ASB9: variants seen among roughly 807,000 people sequenced by gnomAD.
The protein encoded by ASB9 is ankyrin repeat and SOCS box containing 9.
In ASB9, 5 loss-of-function variants were observed where a neutral mutation model predicts 16.6. The ratio of observed to expected loss-of-function variants is 0.30; its 90% CI spans 0.16 to 0.63. The LOEUF (loss-of-function observed/expected upper bound fraction) is 0.63, where lower values mean the gene tolerates loss of function less well. ASB9 is among the 30% of genes least tolerant of loss of function. ASB9 has a pLI of 0.82. For synonymous variants in ASB9, 100 were observed against 86.4 expected (o/e 1.16, Z -0.87); for missense variants, 216 against 229.4 (o/e 0.94, Z 0.38).
intron 3 of ASB9, among the ~76,000 whole-genome samples, chrX:15,252,723 C>T (rs1008530444): frequency 1.8e-5 from 2 of 112,338 alleles, no homozygotes; most frequent in Non-Finnish European, 3.8e-5. Flanking sequence ...ACCCATCCCA[C>T]ACCAATTCAA....
At chrX:15,252,802 A>G (rs1027934741) in intron 3 of ASB9, among the ~76,000 whole-genome samples, 2 of 112,509 alleles carry the variant, frequency 1.8e-5, no homozygotes, top group Non-Finnish European at 3.8e-5. Flanking sequence ...TAGCTGTGTA[A>G]TTTAGTATAT....
chrX:15,264,952 A>T (rs967287713), intron 1 of ASB9, among the ~76,000 whole-genome samples: 3 of 111,474 alleles, frequency 2.7e-5, no homozygotes, highest in Non-Finnish European at 3.8e-5. Context: ...GTATCCAGGC[A>T]CCTACCCTTG....
At position 15,252,306 on chromosome X, in the gene ASB9, G is replaced by A. The variant is rs773018249; in HGVS notation, c.381C>T (p.Ser127=). The A allele has an allele frequency of 3.3e-6, 4 of 1,209,488 alleles. No individual in the cohort carries two copies. Among genetic ancestry groups the A allele is most frequent in the African/African-American group, 1.7e-5 (1 of 57,256 alleles). The change falls in exon 4 of 7, where the codon AGC becomes AGT. Residue 127 remains serine (S), a synonymous_variant. Coordinates refer to ENST00000380488, the MANE Select transcript of ASB9 (RefSeq NM_001031739.3). ...CVNLLLQHGA[S]VQPESDLASP... ...ATGCCAGATCACTCTCAGGTTGAACGCTGGCTCCGTGCTGCAGAAGCAAAT... is the reference window on the plus strand; with the variant it reads ...ATGCCAGATCACTCTCAGGTTGAACACTGGCTCCGTGCTGCAGAAGCAAAT...
intron 1 of ASB9, among the ~76,000 whole-genome samples, chrX:15,267,461 G>T (rs1602167609): frequency 1.1e-5 from 1 of 87,177 alleles, no homozygotes; most frequent in African/African-American, 4.2e-5. Context: ...CTTGTAAAAA[G>T]TGGCCGGGCG....
In ASB9 at chrX:15,254,600, G is replaced by A. The variant is rs998970789; in HGVS notation, c.282+137C>T. On this transcript the variant is annotated intron_variant, in intron 3 of 6. Transcript: ENST00000380488. ...CATCACTAAAGCAAACAAGCCTGAT[G>A]AACATAATTTTCTTGAAAAACAACT... 8 of 516,738 alleles carry A rather than the reference G, an allele frequency of 1.5e-5. No individual in the cohort carries two copies. The African/African-American group carries it at 1.9e-4, about 12-fold the overall frequency. The allele number at this position is 516,738 out of a possible 1,213,427, so 42.6% of individuals were successfully genotyped here. A position where few individuals can be genotyped will look rare whatever the true frequency, so the allele number is the denominator to read the frequency against.
At chrX:15,249,141 G>A (rs923470154) in intron 5 of ASB9, among the ~76,000 whole-genome samples, 4 of 112,234 alleles carry the variant, frequency 3.6e-5, no homozygotes, top group Non-Finnish European at 7.5e-5. Context: ...ACAGCATGAG[G>A]AATATAGCAT....
chrX:15,257,346 C>T (rs1925653385), intron 2 of ASB9, among the ~76,000 whole-genome samples: 1 of 110,605 alleles, frequency 9.0e-6, no homozygotes, highest in Admixed American at 9.7e-5. Flanking sequence ...GCGGAGGTTG[C>T]AGTGAGCCGA....
At position 15,270,080 on chromosome X, in the gene ASB9, G is replaced by GTACA. The variant is rs1926857945; in HGVS notation, c.-207_-206insTGTA. 1.9e-5 allele frequency: 6 copies of GTACA among 321,462 alleles called. No homozygotes were observed. Among genetic ancestry groups the GTACA allele is most frequent in the East Asian group, 5.3e-5 (1 of 19,023 alleles). 26.5% of individuals were successfully genotyped at this position (321,462 alleles called of 1,213,427 possible). A position where few individuals can be genotyped will look rare whatever the true frequency, so the allele number is the denominator to read the frequency against. ...TGATCAGAGAGAGGCATGCGCTCGT[G>GTACA]TACACACACACACACACACACACAC... is the stretch of plus-strand genomic sequence containing the variant. On this transcript the variant is annotated 5_prime_UTR_variant, in exon 1 of 7. It adds an upstream start codon to the 5' untranslated region. Coordinates refer to ENST00000380488, the MANE Select transcript of ASB9 (RefSeq NM_001031739.3).
chrX:15,265,667 G>A (rs938340041), intron 1 of ASB9, among the ~76,000 whole-genome samples: 2 of 109,323 alleles, frequency 1.8e-5, no homozygotes, highest in African/African-American at 3.3e-5. Context: ...ACAGAGTCTC[G>A]CTCTGTTGCC....
intron 2 of ASB9, among the ~76,000 whole-genome samples, chrX:15,255,815 GA>G (rs1235852161): frequency 8.9e-6 from 1 of 111,812 alleles, no homozygotes; most frequent in Non-Finnish European, 1.9e-5. Context: ...TACCTTTTAG[GA>G]AGCCTAAATG....
intron 6 of ASB9, among the ~76,000 whole-genome samples, chrX:15,246,011 G>A (rs930196298): frequency 4.5e-5 from 5 of 111,802 alleles, no homozygotes; most frequent in African/African-American, 1.6e-4. Flanking sequence ...GTGTTCTCAA[G>A]GCACATATTA....
intron 1 of ASB9, among the ~76,000 whole-genome samples, chrX:15,268,273 A>G (rs1374704484): frequency 3.8e-5 from 4 of 105,410 alleles, no homozygotes; most frequent in African/African-American, 1.0e-4. Context: ...CAGAGGTTGC[A>G]GTGAGCGGAG....
intron 1 of ASB9, 142 bp downstream of exon 1, chrX:15,269,639 T>C (rs1926826249): frequency 2.7e-6 from 1 of 373,661 alleles, no homozygotes; most frequent in South Asian, 8.1e-5. Context: ...GTGTAAAGAA[T>C]ATATACCAGT....
At chrX:15,255,891 G>A (rs1447353614) in intron 2 of ASB9, among the ~76,000 whole-genome samples, 6 of 111,584 alleles carry the variant, frequency 5.4e-5, no homozygotes, top group African/African-American at 2.0e-4. Flanking sequence ...TTAAACATAA[G>A]TATTTAGTAA....
Position 15,252,387 on chromosome X carries a change from T to G in ASB9, c.300A>C (p.Ala100=), listed in dbSNP as rs917283907. ...CATTAAACAGTGGAGTGTGCCAGTC[T>G]GCTGTCACACCATTCACCTGGTAAA... ...KHGAQVNGVT[A]DWHTPLFNAC... Residue 100 remains alanine, a synonymous_variant, in exon 4 of 7, where the codon GCA becomes GCC. Transcript: ENST00000380488. 2 of 1,204,495 alleles carry G rather than the reference T, an allele frequency of 1.7e-6. No homozygotes were observed. Among genetic ancestry groups the G allele is most frequent in the African/African-American group, 1.7e-5 (1 of 57,598 alleles).
At chrX:15,269,686 C>T (rs1403715769) in intron 1 of ASB9, 95 bp downstream of exon 1, 11 of 636,730 alleles carry the variant, frequency 1.7e-5, no homozygotes, top group Admixed American at 3.7e-5. Context: ...GCCCCATGGA[C>T]ACCTCACACA....
At position 15,250,693 on chromosome X, in the gene ASB9, A is replaced by G. The variant is rs1204447501; in HGVS notation, c.434-129T>C. The G allele has an allele frequency of 1.1e-5, 6 of 545,634 alleles. No individual in the cohort carries two copies. In the African/African-American group the frequency reaches 1.2e-4, roughly 11 times the overall value. The allele number at this position is 545,634 out of a possible 1,213,427, so 45.0% of individuals were successfully genotyped here. A position where few individuals can be genotyped will look rare whatever the true frequency, so the allele number is the denominator to read the frequency against. On this transcript the variant is annotated intron_variant, in intron 4 of 6. Coordinates refer to ENST00000380488, the MANE Select transcript of ASB9 (RefSeq NM_001031739.3). ...GGGGACCAAAAAGCTATTTCCTTCAATTAGAATCAGGAGTGATTTTATTTT... is the reference window on the plus strand; with the variant it reads ...GGGGACCAAAAAGCTATTTCCTTCAGTTAGAATCAGGAGTGATTTTATTTT...
chrX:15,262,217 TCTA>T (rs1451061403), intron 1 of ASB9, among the ~76,000 whole-genome samples: 2 of 111,371 alleles, frequency 1.8e-5, no homozygotes, highest in Non-Finnish European at 3.8e-5. Flanking sequence ...TTGTGTCATT[TCTA>T]CTTCTTGCCT....
chrX:15,244,757 A>G lies in ASB9; in HGVS notation c.761-127T>C, dbSNP rs879004698. 9.1e-5 allele frequency: 66 copies of G among 721,695 alleles called. 1 individual carries two copies. The highest frequency in any genetic ancestry group is 2.8e-4 in the South Asian group (6 of 21,076). The allele number at this position is 721,695 out of a possible 1,213,427, so 59.5% of individuals were successfully genotyped here. A position where few individuals can be genotyped will look rare whatever the true frequency, so the allele number is the denominator to read the frequency against. ...AAATAATATTGAACTATTTAAGACC[A>G]TTTTCTGGGGTTTTTTTGTAGAAGG... On this transcript the variant is annotated intron_variant, in intron 6 of 6. Transcript: ENST00000380488.
Sources: gnomAD v4.1 joint callset for allele counts (sites outside exome capture counted in the v4.1 genomes callset) on GRCh38, gnomAD v4.1.1 for gene constraint, MANE v1.5 for transcripts, NCBI Gene and HGNC (gene_info 2026-07-23, HGNC 2026-07-21) for gene names.